The following ANO3 variants were observed in gnomAD, a reference collection of about 807,000 sequenced individuals.
The protein encoded by ANO3 is anoctamin 3.
ANO3 carries 99 observed loss-of-function variants against 144.8 expected under a neutral mutation model. That is an observed-to-expected ratio of 0.68 (90% CI 0.58 to 0.81). The LOEUF (loss-of-function observed/expected upper bound fraction) is 0.81, where lower values mean the gene tolerates loss of function less well. Among genes scored for constraint, ANO3 ranks in the 30% least tolerant of loss-of-function variants. The probability of loss-of-function intolerance (pLI) is 0.00; values close to 1 mark genes in which losing one functional copy is unlikely to be tolerated. For missense variants in ANO3, 905 were observed against 1,202.2 expected (o/e 0.75, Z 3.66); for synonymous variants, 414 against 392.6 (o/e 1.05, Z -0.64).
At chr11:26,336,055 C>T (rs1472547992) in intron 1 of ANO3, among the ~76,000 whole-genome samples, 1 of 152,126 alleles carries the variant, frequency 6.6e-6, no homozygotes, top group Non-Finnish European at 1.5e-5. Flanking sequence ...TGGTTATAGA[C>T]AACTGGGAGC....
upstream of ANO3, among the ~76,000 whole-genome samples, chr11:26,305,456 G>A (rs566055212): frequency 6.6e-6 from 1 of 150,588 alleles, no homozygotes; most frequent in African/African-American, 2.4e-5. Context: ...GGATTAGCAT[G>A]GGGTTTTTCC....
At chr11:26,398,011 GA>G (rs113004698) in intron 1 of ANO3, among the ~76,000 whole-genome samples, 17,398 of 144,826 alleles carry the variant, frequency 0.12, 1,197 homozygotes, top group Admixed American at 0.19. Flanking sequence ...AAGGATGGGC[GA>G]AAAAAAAAAA....
intron 14 of ANO3, among the ~76,000 whole-genome samples, chr11:26,577,577 AAAAG>A (rs1447524975): frequency 3.3e-5 from 5 of 152,074 alleles, no homozygotes; most frequent in Non-Finnish European, 5.9e-5. Flanking sequence ...AAAAAAAAAA[AAAAG>A]AGAGAGAGAG....
At chr11:26,200,771 T>C (rs1010544313) in intron 1 of ANO3, among the ~76,000 whole-genome samples, 1 of 152,164 alleles carries the variant, frequency 6.6e-6, no homozygotes, top group African/African-American at 2.4e-5. Flanking sequence ...ATTGTCCTCT[T>C]GGTAATAGTG....
intron 17 of ANO3, among the ~76,000 whole-genome samples, chr11:26,604,607 TCTC>T (rs1277595588): frequency 6.6e-6 from 1 of 152,158 alleles, no homozygotes; most frequent in African/African-American, 2.4e-5. Context: ...GGTTTATAGT[TCTC>T]CTTGAAGAGT....
At chr11:26,659,109 T>TAC (rs1565172390) in intron 26 of ANO3, among the ~76,000 whole-genome samples, 1 of 139,982 alleles carries the variant, frequency 7.1e-6, no homozygotes, top group Non-Finnish European at 1.6e-5. Flanking sequence ...CATATATATA[T>TAC]ACACACATAC....
chr11:26,271,987 T>A (rs183949276), intron 1 of ANO3, among the ~76,000 whole-genome samples: 7 of 152,228 alleles, frequency 4.6e-5, no homozygotes, highest in Non-Finnish European at 8.8e-5. Context: ...CTTTTAATCC[T>A]TATAAAACTC....
At chr11:26,294,081 T>C (rs960957382) in intron 1 of ANO3, among the ~76,000 whole-genome samples, 1 of 152,114 alleles carries the variant, frequency 6.6e-6, no homozygotes, top group African/African-American at 2.4e-5. Flanking sequence ...CAGTGGAAGC[T>C]GAAAGAATAA....
chr11:26,432,292 ATAGATGCTGGATAT>A (rs1858132561), intron 1 of ANO3, among the ~76,000 whole-genome samples: 1 of 152,126 alleles, frequency 6.6e-6, no homozygotes, highest in South Asian at 2.1e-4. Flanking sequence ...TAAGTTCGCT[ATAGATGCTGGATAT>A]TAGATCTCTG....
chr11:26,472,993 G>T (rs1051062778), intron 4 of ANO3, among the ~76,000 whole-genome samples: 4 of 151,964 alleles, frequency 2.6e-5, no homozygotes, highest in Admixed American at 2.6e-4. Context: ...TGCAAACCAG[G>T]ATTCCAGATG....
At chr11:26,460,034 AC>A in intron 3 of ANO3, 1 of 446,376 alleles carries the variant, frequency 2.2e-6, no homozygotes, top group Non-Finnish European at 4.5e-6. Flanking sequence ...AACACTTCCC[AC>A]CAGTCTTCAT....
chr11:26,359,825 A>G (rs902124014), intron 1 of ANO3, among the ~76,000 whole-genome samples: 4 of 151,954 alleles, frequency 2.6e-5, no homozygotes, highest in African/African-American at 7.3e-5. Flanking sequence ...ATGGGAAGGT[A>G]TATCTAGTTC....
chr11:26,307,211 A>C (rs1299996693), upstream of ANO3, among the ~76,000 whole-genome samples: 1 of 151,940 alleles, frequency 6.6e-6, no homozygotes, highest in Non-Finnish European at 1.5e-5. Context: ...AAAATTAGCC[A>C]GTCGTGGTGG....
At chr11:26,578,483 T>G (rs1851048469) in intron 14 of ANO3, among the ~76,000 whole-genome samples, 1 of 152,144 alleles carries the variant, frequency 6.6e-6, no homozygotes, top group Non-Finnish European at 1.5e-5. Context: ...ACAAAAGGCT[T>G]TGCCTTGACT....
At chr11:26,534,409 T>C in intron 8 of ANO3, 47 bp from the exon 9 acceptor site, 2 of 1,262,970 alleles carry the variant, frequency 1.6e-6, no homozygotes, top group East Asian at 4.7e-5. Context: ...TATTGCTGGA[T>C]TCTGTGTTCT....
chr11:26,647,905 TAAAA>T, intron 24 of ANO3, 49 bp downstream of exon 24: 1 of 1,540,806 alleles, frequency 6.5e-7, no homozygotes, highest in Non-Finnish European at 8.8e-7. Context: ...CATTTGTAAT[TAAAA>T]TAGGATCTTA....
intron 12 of ANO3, among the ~76,000 whole-genome samples, chr11:26,551,582 G>C (rs995572351): frequency 6.6e-6 from 1 of 151,910 alleles, no homozygotes; most frequent in Non-Finnish European, 1.5e-5. Flanking sequence ...ATAAATCTGA[G>C]CTTTTGATTG....
chr11:26,530,276 G>A (rs934488336), intron 7 of ANO3, among the ~76,000 whole-genome samples: 1 of 152,198 alleles, frequency 6.6e-6, no homozygotes, highest in Admixed American at 6.5e-5. Context: ...GGCTAGCACA[G>A]TGCAATAAAT....
At chr11:26,314,780 G>T (rs900135727) in intron 1 of ANO3, among the ~76,000 whole-genome samples, 1 of 152,114 alleles carries the variant, frequency 6.6e-6, no homozygotes, top group Non-Finnish European at 1.5e-5. Context: ...AGTCAGATTA[G>T]TAATGACTTA....
Sources: gnomAD v4.1 joint callset for allele counts (sites outside exome capture counted in the v4.1 genomes callset) on GRCh38, gnomAD v4.1.1 for gene constraint, MANE v1.5 for transcripts, NCBI Gene and HGNC (gene_info 2026-07-23, HGNC 2026-07-21) for gene names.